Variants in PIGL observed in about 807,000 individuals in gnomAD.
The protein encoded by PIGL is N-acetylglucosaminyl-phosphatidylinositol de-N-acetylase.
A neutral mutation model predicts 31.1 loss-of-function variants in PIGL; 22 were observed. That is an observed-to-expected ratio of 0.71 (90% confidence interval 0.51 to 1.01). PIGL has a LOEUF of 1.01. PIGL is among the 50% of genes least tolerant of loss of function. PIGL has a pLI of 0.00. For missense variants in PIGL, 302 were observed against 315.9 expected, an observed-to-expected ratio of 0.96 and a Z score of 0.33; for synonymous variants, 131 against 117.4, an observed-to-expected ratio of 1.12 and a Z score of -0.75.
At chr17:16,256,586 G>A (rs187918018) in intron 2 of PIGL, among the ~76,000 whole-genome samples, 19 of 152,228 alleles carry the variant, frequency 1.2e-4, no homozygotes, top group African/African-American at 3.1e-4. Flanking sequence ...TCCTGATCTC[G>A]TGATCTGCCT....
intron 2 of PIGL, among the ~76,000 whole-genome samples, chr17:16,266,295 G>A (rs890758929): frequency 8.0e-5 from 12 of 149,776 alleles, no homozygotes; most frequent in Non-Finnish European, 1.3e-4. Context: ...AGGCTAAGGC[G>A]GAAGAATCGC....
intron 2 of PIGL, among the ~76,000 whole-genome samples, chr17:16,255,146 T>G (rs1256292993): frequency 6.6e-6 from 1 of 152,208 alleles, no homozygotes; most frequent in Non-Finnish European, 1.5e-5. Context: ...TTCTGAGTCT[T>G]AAGTGAAATT....
At chr17:16,250,365 A>G (rs974556818) in intron 2 of PIGL, among the ~76,000 whole-genome samples, 4 of 152,176 alleles carry the variant, frequency 2.6e-5, no homozygotes, top group Non-Finnish European at 5.9e-5. Flanking sequence ...ACCATCTGCT[A>G]TTTCAGGTAT....
chr17:16,222,712 TAA>T (rs879455312), intron 1 of PIGL, among the ~76,000 whole-genome samples: 19 of 139,004 alleles, frequency 1.4e-4, no homozygotes, highest in Non-Finnish European at 1.9e-4. Context: ...AAGCTGCTAT[TAA>T]AAAAAAAAAA....
At chr17:16,257,236 G>T (rs2092797758) in intron 2 of PIGL, among the ~76,000 whole-genome samples, 1 of 152,110 alleles carries the variant, frequency 6.6e-6, no homozygotes, top group African/African-American at 2.4e-5. Context: ...GGCCAACATG[G>T]TGAAACCCCG....
chr17:16,315,558 C>T (rs2093071706), intron 4 of PIGL, among the ~76,000 whole-genome samples: 2 of 152,096 alleles, frequency 1.3e-5, no homozygotes. Context: ...GCTATAAGCT[C>T]TACTTCCAGA....
intron 2 of PIGL, among the ~76,000 whole-genome samples, chr17:16,267,011 C>A (rs2092847201): frequency 6.6e-6 from 1 of 151,282 alleles, no homozygotes; most frequent in Admixed American, 6.6e-5. Flanking sequence ...GTTTTTAGAA[C>A]TACAGTTGAC....
chr17:16,288,531 CT>C (rs1303977248), intron 2 of PIGL, among the ~76,000 whole-genome samples: 1 of 137,166 alleles, frequency 7.3e-6, no homozygotes, highest in Admixed American at 7.7e-5. Context: ...TTTTTCTTTT[CT>C]TTTTTTTCTT....
At chr17:16,258,089 GAGAGAGAGAGAGAA>G (rs1568802731) in intron 2 of PIGL, among the ~76,000 whole-genome samples, 26 of 132,216 alleles carry the variant, frequency 2.0e-4, no homozygotes, top group Non-Finnish European at 3.4e-4. Flanking sequence ...GAGAGAGAGA[GAGAGAGAGAGAGAA>G]AGAGAGAGAG....
At chr17:16,318,274 CT>C (rs879336540) in intron 6 of PIGL, among the ~76,000 whole-genome samples, 1,601 of 144,862 alleles carry the variant, frequency 0.011, 11 homozygotes, top group Non-Finnish European at 0.016. Context: ...TCTTTCTACT[CT>C]TTTTTTTTTT....
At chr17:16,319,609 G>T (rs1334595583) in intron 6 of PIGL, among the ~76,000 whole-genome samples, 1 of 152,060 alleles carries the variant, frequency 6.6e-6, no homozygotes, top group Non-Finnish European at 1.5e-5. Flanking sequence ...CAAAAAAGTA[G>T]CCGGGCGTGG....
chr17:16,241,616 A>C (rs2092723697), intron 2 of PIGL, among the ~76,000 whole-genome samples: 1 of 152,122 alleles, frequency 6.6e-6, no homozygotes, highest in Non-Finnish European at 1.5e-5. Flanking sequence ...CCCATGGATT[A>C]ACTGGAGTGA....
rs182153817 is a variant in PIGL at position 16,234,183 on chromosome 17, T to C, written c.335+113T>C. The C allele has an allele frequency of 2.3e-3, 1,485 of 652,018 alleles. 9 individuals are homozygous for C. The highest frequency in any genetic ancestry group is 0.011 in the Middle Eastern group (27 of 2,402). 40.4% of individuals were successfully genotyped at this position (652,018 alleles called of 1,614,324 possible). On this transcript the variant is annotated intron_variant, in intron 2 of 6. Coordinates refer to ENST00000225609, the MANE Select transcript of PIGL (RefSeq NM_004278.4). ...GGCTGAGAACATCTTGTATGAAAAG[T>C]CTAGGGCTCGGTGCCATGGTTCACG...
chr17:16,238,909 CAAAA>C (rs892510303), intron 2 of PIGL, among the ~76,000 whole-genome samples: 1 of 75,362 alleles, frequency 1.3e-5, no homozygotes, highest in Non-Finnish European at 2.4e-5. Flanking sequence ...GACCCCGTCT[CAAAA>C]AAAAAAAAAA....
At chr17:16,248,100 C>G (rs1654188729) in intron 2 of PIGL, among the ~76,000 whole-genome samples, 1 of 152,114 alleles carries the variant, frequency 6.6e-6, no homozygotes, top group South Asian at 2.1e-4. Context: ...GTTGGTCAGG[C>G]TGGTCCTGAA....
intron 2 of PIGL, among the ~76,000 whole-genome samples, chr17:16,256,284 A>G (rs2092793157): frequency 1.3e-5 from 2 of 152,330 alleles, no homozygotes; most frequent in South Asian, 4.1e-4. Context: ...TTCTGTGCAT[A>G]TTTAATAACC....
chr17:16,260,125 T>A (rs2092813281), intron 2 of PIGL, among the ~76,000 whole-genome samples: 1 of 152,018 alleles, frequency 6.6e-6, no homozygotes, highest in East Asian at 1.9e-4. Flanking sequence ...GCCGAGGGGG[T>A]GCTGAGGGCA....
At chr17:16,309,094 C>T (rs552663467) in intron 3 of PIGL, among the ~76,000 whole-genome samples, 2 of 152,208 alleles carry the variant, frequency 1.3e-5, no homozygotes, top group South Asian at 4.2e-4. Flanking sequence ...CCCAGCCAAA[C>T]ATTTATTTTT....
chr17:16,312,262 C>T (rs1452342384), intron 3 of PIGL: 7 of 152,552 alleles, frequency 4.6e-5, no homozygotes, highest in Non-Finnish European at 9.5e-5. Context: ...CGGGCAGAGA[C>T]GCTCCTCACC....
Sources: allele counts gnomAD v4.1 joint callset (sites outside exome capture counted in the v4.1 genomes callset), GRCh38; gene constraint gnomAD v4.1.1; transcripts MANE v1.5; gene names NCBI Gene and HGNC (gene_info 2026-07-23, HGNC 2026-07-21).